Variants in CKLF observed in about 807,000 individuals in gnomAD.
The protein encoded by CKLF is chemokine like factor.
A neutral mutation model predicts 12.9 loss-of-function variants in CKLF; 16 were observed. The ratio of observed to expected loss-of-function variants is 1.24; its 90% CI spans 0.84 to 1.88. The LOEUF (loss-of-function observed/expected upper bound fraction) is 1.88. Ranked by LOEUF, CKLF falls within the 40% of genes most tolerant of loss-of-function variation. The pLI, the probability that CKLF is intolerant of heterozygous loss-of-function variation, is 0.00. For missense variants in CKLF, 172 were observed against 188.5 expected (o/e 0.91, Z 0.51); for synonymous variants, 61 against 69.0 (o/e 0.88, Z 0.57).
In CKLF at chr16:66,557,403, G is replaced by A. The variant is rs181732769; in HGVS notation, c.79-787G>A. On this transcript the variant is annotated intron_variant, in intron 1 of 3. Transcript: ENST00000264001. ...GGCTGGTCTCAAACTCTTGACCTCA[G>A]GCGATCTGCCTGCCTTGGCCTCCCA... Among the ~76,000 whole-genome samples, 38 of 152,212 alleles carry A rather than the reference G, an allele frequency of 2.5e-4. No individual in the cohort carries two copies. In the East Asian group the frequency reaches 6.2e-3, roughly 25 times the overall value.
At chr16:66,560,798 T>C (rs904690599) in intron 2 of CKLF, among the ~76,000 whole-genome samples, 95 of 143,762 alleles carry the variant, frequency 6.6e-4, no homozygotes, top group South Asian at 3.2e-3. Context: ...AAGATAAGTA[T>C]ACACACACAC....
chr16:66,566,069 CA>C, downstream of CKLF: 1 of 1,610,792 alleles, frequency 6.2e-7, no homozygotes, highest in Non-Finnish European at 8.5e-7. This position sits in a 1 kb window ranked among gnomAD's most constrained non-coding sequence, Gnocchi z 4.9. Context: ...TATTCTTCCA[CA>C]TATTTTCTGC....
chr16:66,565,602 G>A (rs1196832308), intron 3 of CKLF: 6 of 423,516 alleles, frequency 1.4e-5, no homozygotes, highest in Admixed American at 7.6e-5. Flanking sequence ...CAGGTCAAGA[G>A]ATAAAAGCAA....
At chr16:66,554,086 G>C (rs1290533814) in intron 1 of CKLF, among the ~76,000 whole-genome samples, 9 of 152,214 alleles carry the variant, frequency 5.9e-5, no homozygotes, top group Non-Finnish European at 1.2e-4. Context: ...TGTGAGAATG[G>C]TCCTGTGAGA....
intron 1 of CKLF, among the ~76,000 whole-genome samples, chr16:66,555,094 AG>A (rs1229860362): frequency 1.3e-5 from 2 of 152,106 alleles, no homozygotes; most frequent in Non-Finnish European, 2.9e-5. Context: ...AAAATTAGCC[AG>A]GCATGGTGGC....
In CKLF at chr16:66,552,706, T is replaced by C. The variant is rs2232724; in HGVS notation, c.-10T>C. On this transcript the variant is annotated 5_prime_UTR_variant, in exon 1 of 4. Coordinates refer to ENST00000264001, the MANE Select transcript of CKLF (RefSeq NM_016951.4). ...TGAGGGAAAGTGCTGCTGCTGGGTC[T>C]GCAGACGCGATGGATAACGTGCAGC... The C allele has an allele frequency of 1.9e-6, 3 of 1,614,036 alleles. No homozygotes were observed. Among genetic ancestry groups the C allele is most frequent in the South Asian group, 1.1e-5 (1 of 91,096 alleles).
At chr16:66,557,908 A>G (rs1017359950) in intron 1 of CKLF, among the ~76,000 whole-genome samples, 1 of 152,216 alleles carries the variant, frequency 6.6e-6, no homozygotes, top group Non-Finnish European at 1.5e-5. Context: ...AAGAGAAGTC[A>G]ATATCATACA....
chr16:66,560,546 T>C (rs1031789158), intron 2 of CKLF, among the ~76,000 whole-genome samples: 5 of 152,104 alleles, frequency 3.3e-5, no homozygotes, highest in Admixed American at 3.3e-4. Context: ...TCAGAAATGG[T>C]GTGAAACTTA....
At chr16:66,564,888 G>A (rs986536223) in intron 3 of CKLF, among the ~76,000 whole-genome samples, 7 of 152,122 alleles carry the variant, frequency 4.6e-5, no homozygotes, top group African/African-American at 7.2e-5. Flanking sequence ...TGTGAGCCCC[G>A]TCCTCAAGTT....
chr16:66,555,728 A>G (rs896823665), intron 1 of CKLF, among the ~76,000 whole-genome samples: 1 of 152,210 alleles, frequency 6.6e-6, no homozygotes, highest in Non-Finnish European at 1.5e-5. Context: ...TTTTAAATAG[A>G]TGAAGAAATG....
rs1363634122 is a variant in CKLF, at chr16:66,552,679, GTT to G, written c.-36_-35del. 4 of 1,614,072 alleles carry G rather than the reference GTT, an allele frequency of 2.5e-6. No individual in the cohort carries two copies. Among genetic ancestry groups the G allele is most frequent in the Middle Eastern group, 1.6e-4 (1 of 6,062 alleles). ...CTACTCAGGCAGCCAGCTGAGAAGAGTTGAGGGAAAGTGCTGCTGCTGGGTCT... is the reference window on the plus strand; with the variant it reads ...CTACTCAGGCAGCCAGCTGAGAAGAGGAGGGAAAGTGCTGCTGCTGGGTCT... On this transcript the variant is annotated 5_prime_UTR_variant, in exon 1 of 4. Transcript: ENST00000264001.
chr16:66,557,429 A>T (rs2011492035), intron 1 of CKLF, among the ~76,000 whole-genome samples: 1 of 152,202 alleles, frequency 6.6e-6, no homozygotes, highest in African/African-American at 2.4e-5. Flanking sequence ...TGGCCTCCCA[A>T]AGTGCTGGGA....
intron 1 of CKLF, among the ~76,000 whole-genome samples, chr16:66,555,145 G>C (rs2011380060): frequency 6.6e-6 from 1 of 152,284 alleles, no homozygotes; most frequent in South Asian, 2.1e-4. Flanking sequence ...GCTGAGGCAG[G>C]AGAATCACTG....
chr16:66,555,032 T>A (rs2011371299), intron 1 of CKLF, among the ~76,000 whole-genome samples: 1 of 152,038 alleles, frequency 6.6e-6, no homozygotes, highest in South Asian at 2.1e-4. Context: ...AGTCAGGAGT[T>A]CCAGCAGCCT....
At chr16:66,562,965 G>C in intron 2 of CKLF, 157 bp from the exon 3 acceptor site, 2 of 773,588 alleles carry the variant, frequency 2.6e-6, no homozygotes, top group South Asian at 1.5e-5. Flanking sequence ...CAAGTGATCT[G>C]TCTGCCTTCC....
At chr16:66,554,692 C>T (rs866985977) in intron 1 of CKLF, among the ~76,000 whole-genome samples, 2 of 152,110 alleles carry the variant, frequency 1.3e-5, no homozygotes, top group East Asian at 1.9e-4. Context: ...AGAAAAGTTG[C>T]GTAATGAATA....
chr16:66,560,798 T>TACACACACACACAC (rs58084691), intron 2 of CKLF, among the ~76,000 whole-genome samples: 38 of 143,758 alleles, frequency 2.6e-4, no homozygotes, highest in African/African-American at 5.4e-4. Flanking sequence ...AAGATAAGTA[T>TACACACACACACAC]ACACACACAC....
intron 2 of CKLF, chr16:66,558,662 C>T (rs2011546077): frequency 4.4e-6 from 1 of 225,260 alleles, no homozygotes; most frequent in Non-Finnish European, 8.6e-6. Flanking sequence ...GTAGTGCATT[C>T]TTAATCTTTA....
intron 1 of CKLF, 35 bp from the exon 2 acceptor site, chr16:66,558,155 T>A (rs199623213): frequency 4.2e-5 from 67 of 1,597,564 alleles, no homozygotes; most frequent in African/African-American, 5.4e-5. Flanking sequence ...TGTATTCAGT[T>A]GTCACTGAAT....
Sources: gnomAD v4.1 joint callset for allele counts (sites outside exome capture counted in the v4.1 genomes callset) on GRCh38, gnomAD v4.1.1 for gene constraint, Gnocchi (gnomAD v3.1) non-coding constraint, MANE v1.5 for transcripts, NCBI Gene and HGNC (gene_info 2026-07-23, HGNC 2026-07-21) for gene names.